Variants in ADGRD1 observed in about 807,000 individuals in gnomAD.
The protein encoded by ADGRD1 is adhesion G protein-coupled receptor D1.
A neutral mutation model predicts 113.4 loss-of-function variants in ADGRD1; 77 were observed. The ratio of observed to expected loss-of-function variants is 0.68; its 90% CI spans 0.57 to 0.82. The LOEUF (loss-of-function observed/expected upper bound fraction) is 0.82, where lower values mean the gene tolerates loss of function less well. ADGRD1 is among the 40% of genes least tolerant of loss of function. ADGRD1 has a pLI of 0.00. For synonymous variants in ADGRD1, 474 were observed against 475.0 expected (o/e 1.00, Z 0.03); for missense variants, 1,036 against 1,139.1 (o/e 0.91, Z 1.30).
At position 130,966,606 on chromosome 12, in the gene ADGRD1, C is replaced by T; in HGVS notation, c.187+60C>T. 1.9e-6 allele frequency: 2 copies of T among 1,044,240 alleles called. No individual in the cohort carries two copies. Among genetic ancestry groups the T allele is most frequent in the African/African-American group, 1.6e-5 (1 of 64,050 alleles). 64.7% of individuals were successfully genotyped at this position (1,044,240 alleles called of 1,614,324 possible). On this transcript the variant is annotated intron_variant, in intron 3 of 24. Transcript: ENST00000261654. This position sits in a 1 kb window ranked among gnomAD's most constrained non-coding sequence, Gnocchi z 4.6. ...CGGGAATCCCAGGGCCATCAGGAGGCGTGGGTGCTGAGAGTGGCTGGCCTT... is the reference window on the plus strand; with the variant it reads ...CGGGAATCCCAGGGCCATCAGGAGGTGTGGGTGCTGAGAGTGGCTGGCCTT...
At chr12:131,072,394 GC>G (rs1245532783) in intron 13 of ADGRD1, among the ~76,000 whole-genome samples, 2 of 152,214 alleles carry the variant, frequency 1.3e-5, no homozygotes, top group Non-Finnish European at 1.5e-5. Flanking sequence ...GAAGTAGGGG[GC>G]ATCGGTGGGT....
chr12:131,131,443 T>G (rs540020712), intron 20 of ADGRD1, among the ~76,000 whole-genome samples: 79 of 152,172 alleles, frequency 5.2e-4, no homozygotes, highest in Non-Finnish European at 8.1e-4. Context: ...TAAGATGAGG[T>G]CTGGCCCAGG....
intron 4 of ADGRD1, among the ~76,000 whole-genome samples, chr12:130,979,817 T>TCACACACACACACACACACACACA (rs10526212): frequency 1.1e-4 from 6 of 53,936 alleles, no homozygotes; most frequent in Admixed American, 2.4e-4. Context: ...AGCTAGTGTC[T>TCACACACACACACACACACACACA]CACACACACA....
At chr12:131,077,506 A>G (rs1174233687) in intron 14 of ADGRD1, among the ~76,000 whole-genome samples, 2 of 152,048 alleles carry the variant, frequency 1.3e-5, no homozygotes, top group Non-Finnish European at 2.9e-5. Flanking sequence ...GGGATCTCCC[A>G]CCATCGCTGT....
chr12:130,992,140 A>T (rs1487360838), intron 7 of ADGRD1, 97 bp from the exon 8 acceptor site: 3 of 943,660 alleles, frequency 3.2e-6, no homozygotes, highest in Non-Finnish European at 4.8e-6. Flanking sequence ...AAAAAAAATT[A>T]AAAAAAGCAT....
intron 17 of ADGRD1, 95 bp downstream of exon 17, chr12:131,105,960 T>C: frequency 1.2e-6 from 1 of 859,888 alleles, no homozygotes; most frequent in Non-Finnish European, 1.9e-6. Context: ...TCAACTCAAA[T>C]TTCAGAACCC....
Position 130,966,594 on chromosome 12 carries a change from GC to G in ADGRD1, c.187+50del. 1 of 1,156,454 alleles carries G rather than the reference GC, an allele frequency of 8.6e-7. No homozygotes were observed. The highest frequency in any genetic ancestry group is 1.5e-5 in the African/African-American group (1 of 66,186). 71.6% of individuals were successfully genotyped at this position (1,156,454 alleles called of 1,614,324 possible). A position where few individuals can be genotyped will look rare whatever the true frequency, so the allele number is the denominator to read the frequency against. On this transcript the variant is annotated intron_variant, in intron 3 of 24. Coordinates refer to ENST00000261654, the MANE Select transcript of ADGRD1 (RefSeq NM_198827.5). The surrounding 1 kb of genome is among the most constrained non-coding windows in gnomAD (Gnocchi z 4.6). Reference sequence around the variant, plus strand: ...CGGCTGTGGGCGCGGGAATCCCAGGGCCATCAGGAGGCGTGGGTGCTGAGAG... The same window carrying G: ...CGGCTGTGGGCGCGGGAATCCCAGGGCATCAGGAGGCGTGGGTGCTGAGAG...
chr12:131,086,949 A>G (rs1167387145), intron 15 of ADGRD1, among the ~76,000 whole-genome samples: 1 of 152,238 alleles, frequency 6.6e-6, no homozygotes, highest in African/African-American at 2.4e-5. Context: ...CCTGTTGCCC[A>G]GGCTGGAGTG....
At chr12:131,039,905 G>A (rs572981235) in intron 13 of ADGRD1, among the ~76,000 whole-genome samples, 93 of 152,338 alleles carry the variant, frequency 6.1e-4, no homozygotes, top group African/African-American at 2.0e-3. Flanking sequence ...AGGTGCTGCC[G>A]GCCAGCTGTG....
Position 130,983,632 on chromosome 12 carries a change from T to C in ADGRD1, c.490+1569T>C, listed in dbSNP as rs916250975. ...CTGGCTGGCAATGTGCTCTCTTTTG[T>C]GCATTGAAGGCGTTTGTTATTCTTA... On this transcript the variant is annotated intron_variant, in intron 5 of 24. Transcript: ENST00000261654. 4.6e-5 allele frequency among the ~76,000 whole-genome samples: 7 copies of C among 152,210 alleles called. No homozygotes were observed. The South Asian group carries it at 1.0e-3, about 23-fold the overall frequency.
rs148346873 is a variant in ADGRD1 at position 130,982,657 on chromosome 12, C to A, written c.490+594C>A. ...CAGAGGAAGGGGCTAGGGGAGAGCG[C>A]ATGAAGCACTGGACTGTGCGTGGTC... On this transcript the variant is annotated intron_variant, in intron 5 of 24. Coordinates refer to ENST00000261654, the MANE Select transcript of ADGRD1 (RefSeq NM_198827.5). Among the ~76,000 whole-genome samples the A allele has an allele frequency of 2.5e-3, 388 of 152,254 alleles. 2 individuals are homozygous for A. The highest frequency in any genetic ancestry group is 8.7e-3 in the African/African-American group (362 of 41,548).
chr12:131,021,548 G>C (rs1195902), intron 13 of ADGRD1, among the ~76,000 whole-genome samples: 6 of 151,864 alleles, frequency 4.0e-5, no homozygotes, highest in Non-Finnish European at 4.4e-5. Context: ...GCTACCAAGC[G>C]AGAGACATTT....
intron 15 of ADGRD1, among the ~76,000 whole-genome samples, chr12:131,098,260 G>T (rs905244965): frequency 1.9e-5 from 2 of 102,888 alleles, no homozygotes; most frequent in Admixed American, 2.3e-4. Flanking sequence ...GTCCAATCCC[G>T]AGCGGGGAGG....
At chr12:130,975,516 T>C (rs535672676) in intron 4 of ADGRD1, among the ~76,000 whole-genome samples, 3 of 152,292 alleles carry the variant, frequency 2.0e-5, no homozygotes, top group East Asian at 3.9e-4. Context: ...ATTGAACCTA[T>C]AGTCAATACT....
intron 18 of ADGRD1, among the ~76,000 whole-genome samples, chr12:131,109,347 G>A (rs1050511513): frequency 4.6e-5 from 7 of 152,052 alleles, no homozygotes; most frequent in African/African-American, 1.4e-4. Context: ...TGAAAGTTGA[G>A]GTTACTGAGT....
At chr12:131,046,232 G>C (rs75426010) in intron 13 of ADGRD1, among the ~76,000 whole-genome samples, 1 of 59,768 alleles carries the variant, frequency 1.7e-5, no homozygotes, top group Non-Finnish European at 3.5e-5. Flanking sequence ...TCCCTGGTCA[G>C]TGCTCCTCCC....
At chr12:131,067,026 G>A (rs562862982) in intron 13 of ADGRD1, among the ~76,000 whole-genome samples, 1 of 152,254 alleles carries the variant, frequency 6.6e-6, no homozygotes, top group South Asian at 2.1e-4. Flanking sequence ...CAGGTAGACG[G>A]GGCTGCCGCC....
chr12:131,024,171 G>C (rs185429267), intron 13 of ADGRD1: 1 of 152,282 alleles, frequency 6.6e-6, no homozygotes, highest in Admixed American at 6.5e-5. Flanking sequence ...TCCTGCCCCC[G>C]GCAGAGCGGC....
intron 15 of ADGRD1, among the ~76,000 whole-genome samples, chr12:131,085,513 C>G (rs1033393864): frequency 3.3e-5 from 5 of 152,122 alleles, no homozygotes; most frequent in African/African-American, 7.2e-5. Flanking sequence ...CTTTGGAGAG[C>G]TGTGCCTGGG....
Sources: allele counts gnomAD v4.1 joint callset (sites outside exome capture counted in the v4.1 genomes callset), GRCh38; gene constraint gnomAD v4.1.1; non-coding constraint Gnocchi (gnomAD v3.1); transcripts MANE v1.5; gene names NCBI Gene and HGNC (gene_info 2026-07-23, HGNC 2026-07-21).